The following TM9SF3 variants were observed in gnomAD, a reference collection of about 807,000 sequenced individuals.
TM9SF3 encodes SM-11044-binding protein.
Under a neutral mutation model 78.6 loss-of-function variants are expected in TM9SF3, and 14 were observed. That is an observed-to-expected ratio of 0.18 (90% CI 0.12 to 0.28). The LOEUF is 0.28. TM9SF3 is among the 10% of genes least tolerant of loss of function. The pLI is 1.00. For synonymous variants in TM9SF3, 231 were observed against 241.7 expected (o/e 0.96, Z 0.41); for missense variants, 496 against 721.9 (o/e 0.69, Z 3.59).
intron 3 of TM9SF3, 103 bp from the exon 4 acceptor site, chr10:96,562,241 C>T (rs1489720069): frequency 9.4e-5 from 75 of 796,894 alleles, no homozygotes; most frequent in Non-Finnish European, 1.3e-4. Flanking sequence ...TTTTTTACCT[C>T]CGCCCTCTCT....
chr10:96,540,453 G>A (rs1054159257), intron 9 of TM9SF3, among the ~76,000 whole-genome samples: 1 of 152,128 alleles, frequency 6.6e-6, no homozygotes, highest in Non-Finnish European at 1.5e-5. Flanking sequence ...TGAGCAACAA[G>A]ACTTTCAAGC....
chr10:96,533,488 T>C (rs995562007), intron 9 of TM9SF3, among the ~76,000 whole-genome samples: 4 of 152,228 alleles, frequency 2.6e-5, no homozygotes, highest in Non-Finnish European at 5.9e-5. Flanking sequence ...TCAGCTGTCA[T>C]GCTTTTTTAA....
chr10:96,552,669 A>T (rs929911144), intron 6 of TM9SF3, among the ~76,000 whole-genome samples: 3 of 152,176 alleles, frequency 2.0e-5, no homozygotes, highest in African/African-American at 7.2e-5. Flanking sequence ...CTTGGCTTGA[A>T]CTAACAAGAG....
intron 9 of TM9SF3, among the ~76,000 whole-genome samples, chr10:96,542,122 C>G (rs915210921): frequency 2.0e-5 from 3 of 152,134 alleles, no homozygotes; most frequent in African/African-American, 7.2e-5. Flanking sequence ...CAACTAAAAC[C>G]ACAAACTTAA....
chr10:96,556,797 C>G (rs1848239015), intron 5 of TM9SF3, among the ~76,000 whole-genome samples: 1 of 152,148 alleles, frequency 6.6e-6, no homozygotes, highest in South Asian at 2.1e-4. Context: ...TCTCTTACAG[C>G]AGCTCTGTTC....
chr10:96,573,379 G>A (rs916552379), intron 2 of TM9SF3, among the ~76,000 whole-genome samples: 3 of 152,030 alleles, frequency 2.0e-5, no homozygotes, highest in Non-Finnish European at 4.4e-5. Flanking sequence ...CTTTATCTTT[G>A]AACACAGCAA....
chr10:96,551,177 A>C, intron 7 of TM9SF3, 68 bp downstream of exon 7: 3 of 1,292,726 alleles, frequency 2.3e-6, no homozygotes, highest in Non-Finnish European at 3.1e-6. Flanking sequence ...GATTGACTTA[A>C]AAGATTCCAG....
chr10:96,553,589 CTA>C (rs1331078169), intron 5 of TM9SF3, among the ~76,000 whole-genome samples: 1 of 149,280 alleles, frequency 6.7e-6, no homozygotes, highest in Non-Finnish European at 1.5e-5. Flanking sequence ...TAAGACTAAA[CTA>C]TTATAGCTGG....
chr10:96,572,157 C>G (rs1018000147), intron 2 of TM9SF3, among the ~76,000 whole-genome samples: 1 of 152,010 alleles, frequency 6.6e-6, no homozygotes, highest in African/African-American at 2.4e-5. Flanking sequence ...AGCTACAGAC[C>G]CATGCTATGT....
intron 1 of TM9SF3, chr10:96,577,428 A>G (rs571049057): frequency 6.6e-6 from 1 of 152,330 alleles, no homozygotes; most frequent in East Asian, 1.9e-4. Flanking sequence ...CACTATATGC[A>G]TATTTCTTTG....
chr10:96,568,656 T>C (rs1227646336), intron 2 of TM9SF3, among the ~76,000 whole-genome samples: 2 of 152,144 alleles, frequency 1.3e-5, no homozygotes, highest in Non-Finnish European at 2.9e-5. Flanking sequence ...TTTGATAACA[T>C]TACATTTGGA....
chr10:96,555,905 C>A lies in TM9SF3; in HGVS notation c.661-2846G>T, dbSNP rs185425490. ...AAAATGACACATACCATCTTTTAGT[C>A]AATTTATCAAATTTTTTAAAATAAA... On this transcript the variant is annotated intron_variant, in intron 5 of 14. Coordinates refer to ENST00000371142, the MANE Select transcript of TM9SF3 (RefSeq NM_020123.4). 1.4e-3 allele frequency among the ~76,000 whole-genome samples: 211 copies of A among 152,132 alleles called. 1 individual carries two copies. The highest frequency in any genetic ancestry group is 4.8e-3 in the African/African-American group (199 of 41,518).
At chr10:96,575,791 C>CA (rs1378698035) in intron 2 of TM9SF3, among the ~76,000 whole-genome samples, 2 of 150,462 alleles carry the variant, frequency 1.3e-5, no homozygotes, top group African/African-American at 4.9e-5. Context: ...ATGATGTATT[C>CA]AAAAACCAAG....
intron 1 of TM9SF3, among the ~76,000 whole-genome samples, chr10:96,583,460 A>C (rs560693925): frequency 6.6e-6 from 1 of 152,358 alleles, no homozygotes; most frequent in Admixed American, 6.5e-5. Flanking sequence ...GCATTTAAGC[A>C]TTTAAGCACT....
intron 9 of TM9SF3, 108 bp downstream of exon 9, chr10:96,543,968 T>C: frequency 1.1e-5 from 13 of 1,179,162 alleles, no homozygotes; most frequent in Admixed American, 2.6e-5. Flanking sequence ...GAGTATGAAC[T>C]GACTGAAACC....
At chr10:96,524,060 T>C (rs904418324) in intron 14 of TM9SF3, among the ~76,000 whole-genome samples, 20 of 151,896 alleles carry the variant, frequency 1.3e-4, no homozygotes, top group Middle Eastern at 6.8e-3. Context: ...AAAGTGAGAA[T>C]ATAAATAAAA....
chr10:96,537,734 A>T (rs1369211033), intron 9 of TM9SF3, among the ~76,000 whole-genome samples: 2 of 152,218 alleles, frequency 1.3e-5, no homozygotes, highest in African/African-American at 2.4e-5. Flanking sequence ...GGGGAGGCTG[A>T]GGTAGGAGAA....
intron 1 of TM9SF3, 33 bp downstream of exon 1, chr10:96,586,701 C>CCCGGGGCGGCCGCGCCGG: frequency 1.6e-6 from 2 of 1,220,104 alleles, no homozygotes; most frequent in East Asian, 3.3e-5. Flanking sequence ...GGGGAGCTAG[C>CCCGGGGCGGCCGCGCCGG]CCGGGGCGGC....
intron 7 of TM9SF3, among the ~76,000 whole-genome samples, chr10:96,550,031 G>C (rs962064851): frequency 1.3e-5 from 2 of 152,048 alleles, no homozygotes; most frequent in Non-Finnish European, 2.9e-5. Flanking sequence ...TATATTTAGG[G>C]TCCAGCTTAT....
Sources: gnomAD v4.1 joint callset for allele counts (sites outside exome capture counted in the v4.1 genomes callset) on GRCh38, gnomAD v4.1.1 for gene constraint, MANE v1.5 for transcripts, NCBI Gene and HGNC (gene_info 2026-07-23, HGNC 2026-07-21) for gene names.